Variants in APAF1 observed in about 807,000 individuals in gnomAD.
APAF1 encodes the protein apoptotic protease-activating factor 1.
APAF1 carries 91 observed loss-of-function variants against 152.4 expected under a neutral mutation model. That is an observed-to-expected ratio of 0.60 (90% confidence interval 0.50 to 0.71). The LOEUF is 0.71. Ranked by LOEUF, APAF1 falls within the 30% of genes least tolerant of loss-of-function variation. APAF1 has a pLI of 0.00. For missense variants in APAF1, 1,283 were observed against 1,472.0 expected, an observed-to-expected ratio of 0.87 and a Z score of 2.10; for synonymous variants, 484 against 494.1, an observed-to-expected ratio of 0.98 and a Z score of 0.27.
At chr12:98,690,310 C>T (rs546384354) in intron 16 of APAF1, among the ~76,000 whole-genome samples, 1 of 152,130 alleles carries the variant, frequency 6.6e-6, no homozygotes, top group South Asian at 2.1e-4. Context: ...TGGGAGCATT[C>T]TTAGGTAGAA....
chr12:98,663,822 C>T lies in APAF1; in HGVS notation c.955+1016C>T, dbSNP rs530286461. On this transcript the variant is annotated intron_variant, in intron 7 of 26. Transcript: ENST00000551964. ...TACAGGCATGTTCCACCATGCCTAG[C>T]TAATTTTTGTATTTTCAGTAGAGAC... 4.0e-5 allele frequency among the ~76,000 whole-genome samples: 6 copies of T among 151,852 alleles called. No individual in the cohort carries two copies. In the South Asian group the frequency reaches 1.2e-3, roughly 32 times the overall value.
chr12:98,666,418 T>C (rs908548878), intron 9 of APAF1, 61 bp downstream of exon 9: 2 of 1,541,250 alleles, frequency 1.3e-6, no homozygotes, highest in Non-Finnish European at 1.8e-6. Context: ...TTTAGATTTA[T>C]TGAAAATTTA....
At chr12:98,727,106 A>C (rs925070536) in intron 25 of APAF1, 67 bp from the exon 26 acceptor site, 9 of 1,433,704 alleles carry the variant, frequency 6.3e-6, no homozygotes, top group Non-Finnish European at 8.8e-6. Context: ...ATGGACATAT[A>C]TATGTTTTAA....
rs1022355016 is a variant in APAF1, at chr12:98,673,252, G to A, written c.1793+1533G>A. 1.3e-4 allele frequency among the ~76,000 whole-genome samples: 20 copies of A among 151,184 alleles called. No homozygotes were observed. In the East Asian group the frequency reaches 2.2e-3, roughly 16 times the overall value. Reference sequence around the variant, plus strand: ...TCCCAGCAATTTGGGAGGCCGAGGCGGGCGGATCACCTGAGGTCAGGAGTT... The same window carrying A: ...TCCCAGCAATTTGGGAGGCCGAGGCAGGCGGATCACCTGAGGTCAGGAGTT... On this transcript the variant is annotated intron_variant, in intron 12 of 26. Coordinates refer to ENST00000551964, the MANE Select transcript of APAF1 (RefSeq NM_181861.2).
chr12:98,693,398 G>A (rs1416481153), intron 16 of APAF1, among the ~76,000 whole-genome samples: 1 of 152,032 alleles, frequency 6.6e-6, no homozygotes, highest in Non-Finnish European at 1.5e-5. Flanking sequence ...CTGGCTAACT[G>A]ATTTTTGTAC....
intron 16 of APAF1, among the ~76,000 whole-genome samples, chr12:98,687,890 C>A (rs2097699671): frequency 6.6e-6 from 1 of 152,158 alleles, no homozygotes. Context: ...TGGCTCACTG[C>A]AGCCTCTGCC....
At position 98,683,026 on chromosome 12, in the gene APAF1, G is replaced by A. The variant is rs532319788; in HGVS notation, c.2047-117G>A. 8.0e-5 allele frequency: 66 copies of A among 822,188 alleles called. 1 individual carries two copies. Among genetic ancestry groups the A allele is most frequent in the South Asian group, 7.9e-4 (53 of 66,768 alleles). The allele number at this position is 822,188 out of a possible 1,614,324, so 50.9% of individuals were successfully genotyped here. The stretch of plus-strand genomic sequence containing the variant: ...TTTCATTAGCATCTTGTCCAACTAG[G>A]AAAATCTGCTATGACAGGATAAGAT... On this transcript the variant is annotated intron_variant, in intron 14 of 26. Coordinates refer to ENST00000551964, the MANE Select transcript of APAF1 (RefSeq NM_181861.2).
rs1259676865 is a variant in APAF1, at chr12:98,648,652, G to A, written c.165G>A (p.Met55Ile). 1 of 1,613,794 alleles carries A rather than the reference G, an allele frequency of 6.2e-7. No homozygotes were observed. Among genetic ancestry groups the A allele is most frequent in the South Asian group, 1.1e-5 (1 of 91,070 alleles). ...CCACTCAACAGCAAAGAGCAGCTAT[G>A]CTGATTAAAATGATACTTAAAAAAG... Reference protein sequence around the residue: ...NEPTQQQRAAMLIKMILKKDN... With the variant: ...NEPTQQQRAAILIKMILKKDN... The change falls in exon 3 of 27, where the codon ATG becomes ATA. Residue 55 changes from methionine (M) to isoleucine (I), a missense_variant. Transcript: ENST00000551964.
intron 15 of APAF1, among the ~76,000 whole-genome samples, chr12:98,684,390 C>G (rs73378420): frequency 0.031 from 4,630 of 150,424 alleles, 232 homozygotes; most frequent in African/African-American, 0.11. Context: ...TCCCTCTCCT[C>G]TCTCTCTCTC....
rs1244495938 is a variant in APAF1 at position 98,645,402 on chromosome 12, G to GC, written c.-473dup. On this transcript the variant is annotated 5_prime_UTR_variant, in exon 1 of 27. Coordinates refer to ENST00000551964, the MANE Select transcript of APAF1 (RefSeq NM_181861.2). ...TCGGCGACCCGCGAAGACTTGAGGT[G>GC]CCGCAGCGGCATCCGGAGTAGCGCC... The GC allele has an allele frequency of 7.9e-5, 12 of 152,310 alleles. No individual in the cohort carries two copies. In the East Asian group the frequency reaches 2.3e-3, roughly 29 times the overall value. 9.4% of individuals were successfully genotyped at this position (152,310 alleles called of 1,614,324 possible). A position where few individuals can be genotyped will look rare whatever the true frequency, so the allele number is the denominator to read the frequency against.
At chr12:98,707,595 C>G (rs533961600) in intron 19 of APAF1, among the ~76,000 whole-genome samples, 10 of 151,918 alleles carry the variant, frequency 6.6e-5, no homozygotes, top group Admixed American at 4.6e-4. Context: ...GGCCAGGAAC[C>G]CTGGCTGGTC....
chr12:98,723,418 T>A (rs2097745870), intron 23 of APAF1, 106 bp downstream of exon 23: 1 of 1,326,480 alleles, frequency 7.5e-7, no homozygotes, highest in African/African-American at 1.5e-5. Context: ...ACTTAAAAAT[T>A]TTTAATTTTT....
intron 16 of APAF1, among the ~76,000 whole-genome samples, chr12:98,691,145 T>C (rs1236892513): frequency 1.3e-5 from 2 of 152,014 alleles, no homozygotes; most frequent in Non-Finnish European, 2.9e-5. Flanking sequence ...AGGCGGAAGT[T>C]GCAGTAAGCT....
At chr12:98,685,340 C>CT (rs1215086990) in intron 15 of APAF1, among the ~76,000 whole-genome samples, 1,964 of 143,674 alleles carry the variant, frequency 0.014, 20 homozygotes, top group Middle Eastern at 0.03. Flanking sequence ...ATACCCCTCC[C>CT]TTTTTTTTTT....
chr12:98,712,419 A>G lies in APAF1; in HGVS notation c.2942A>G (p.Glu981Gly), dbSNP rs1018371388. Residue 981 changes from glutamate to glycine, a missense_variant, in exon 21 of 27, where the codon GAA becomes GGA. By Grantham distance (98) the Glu-to-Gly change is moderately conservative. Transcript: ENST00000551964. ...CTTCAGTACATTGCATTTGGAGATGAAAATGGAGCCATTGAGGTATTCAGT... is the reference window on the plus strand; with the variant it reads ...CTTCAGTACATTGCATTTGGAGATGGAAATGGAGCCATTGAGGTATTCAGT... ...PHLQYIAFGD[E>G]NGAIEILELV... 1.1e-5 allele frequency: 18 copies of G among 1,598,576 alleles called. No individual in the cohort carries two copies. The highest frequency in any genetic ancestry group is 1.5e-5 in the Non-Finnish European group (18 of 1,165,914).
intron 16 of APAF1, among the ~76,000 whole-genome samples, chr12:98,692,259 T>G (rs1237879696): frequency 3.9e-5 from 6 of 152,136 alleles, no homozygotes; most frequent in African/African-American, 1.4e-4. Context: ...ATTTTTTGTA[T>G]TTTTGAGTAG....
chr12:98,653,997 T>C (rs1171908990), intron 4 of APAF1, among the ~76,000 whole-genome samples: 3 of 151,970 alleles, frequency 2.0e-5, no homozygotes, highest in African/African-American at 7.3e-5. Context: ...CCTGTGAAAG[T>C]AGTGTGGAGT....
chr12:98,680,006 C>T (rs1284293600), intron 13 of APAF1, among the ~76,000 whole-genome samples: 2 of 152,226 alleles, frequency 1.3e-5, no homozygotes, highest in African/African-American at 4.8e-5. Context: ...AAGGCGCCAC[C>T]GGCCACAGAA....
chr12:98,723,828 T>A (rs2097746629), intron 24 of APAF1, 64 bp downstream of exon 24: 3 of 1,529,402 alleles, frequency 2.0e-6, no homozygotes, highest in Non-Finnish European at 2.7e-6. Flanking sequence ...TGAGTTCAAA[T>A]AATATATGCA....
Sources: gnomAD v4.1 joint callset for allele counts (sites outside exome capture counted in the v4.1 genomes callset) on GRCh38, gnomAD v4.1.1 for gene constraint, MANE v1.5 for transcripts, NCBI Gene and HGNC (gene_info 2026-07-23, HGNC 2026-07-21) for gene names.